NLRP5: variants seen among roughly 807,000 people sequenced by gnomAD.
The protein encoded by NLRP5 is NLR family pyrin domain containing 5.
In NLRP5, 93 loss-of-function variants were observed where a neutral mutation model predicts 113.1. The observed-to-expected ratio is 0.82, with a 90% CI of 0.70 to 0.98. NLRP5 has a LOEUF of 0.98. Among genes scored for constraint, NLRP5 ranks in the 50% least tolerant of loss-of-function variants. The pLI, the probability that NLRP5 is intolerant of heterozygous loss-of-function variation, is 0.00. For synonymous variants in NLRP5, 751 were observed against 600.7 expected, an observed-to-expected ratio of 1.25 and a Z score of -3.66; for missense variants, 1,808 against 1,514.3, an observed-to-expected ratio of 1.19 and a Z score of -3.22.
At chr19:55,994,062 G>A in the NLRP5 span, among the ~76,000 whole-genome samples, 765 of 152,118 alleles carry the variant, frequency 5.0e-3, 2 homozygotes, top group African/African-American at 0.017. Context: ...TTCCATAATG[G>A]CTGTGCTAAT....
rs1983572701 is a variant in NLRP5 at position 56,042,879 on chromosome 19, TTAGAA to T, written c.2957+1790_2957+1794del. On this transcript the variant is annotated intron_variant, in intron 11 of 14. Coordinates refer to ENST00000390649, the MANE Select transcript of NLRP5 (RefSeq NM_153447.4). ...GTTTTCCATTCCTGAGTTACTTCAC[TTAGAA>T]TAATAGTCTCCAACTCATCCAGGTC... 7.2e-5 allele frequency among the ~76,000 whole-genome samples: 11 copies of T among 152,368 alleles called. No homozygotes were observed. In the South Asian group the frequency reaches 2.3e-3, roughly 32 times the overall value.
At chr19:56,052,247 TTTTG>T (rs1983957720) in intron 12 of NLRP5, among the ~76,000 whole-genome samples, 2 of 105,998 alleles carry the variant, frequency 1.9e-5, no homozygotes, top group South Asian at 2.9e-4. Flanking sequence ...TTTTGTTTTG[TTTTG>T]TTTTTGTTTT....
chr19:56,054,150 G>A (rs188181269), intron 13 of NLRP5, among the ~76,000 whole-genome samples: 164 of 152,278 alleles, frequency 1.1e-3, no homozygotes, highest in Non-Finnish European at 1.5e-3. Flanking sequence ...AGACAAAGAC[G>A]GGCAGAAAGC....
chr19:56,055,937 T>C (rs1165944010), intron 13 of NLRP5, among the ~76,000 whole-genome samples: 2 of 152,116 alleles, frequency 1.3e-5, no homozygotes, highest in African/African-American at 4.8e-5. Context: ...TGAACCGCAC[T>C]CTCCACCCTC....
intron 2 of NLRP5, among the ~76,000 whole-genome samples, chr19:56,007,491 G>C (rs563227951): frequency 6.6e-6 from 1 of 151,048 alleles, no homozygotes; most frequent in East Asian, 1.9e-4. Flanking sequence ...GCCTGAGCAT[G>C]GTAGAGAAAA....
In NLRP5 at chr19:56,027,116, C is replaced by A; in HGVS notation, c.883C>A (p.Leu295Ile). ...AAAGTCAGGAATTGGGAAATCGGCT[C>A]TAGCCAGAAGGATCGTGCTGTGCTG... Residue 295 changes from leucine (L) to isoleucine (I), a missense_variant, in exon 7 of 15, where the codon CTA becomes ATA. Leu to Ile is a conservative substitution (Grantham distance 5). Transcript: ENST00000390649. The A allele has an allele frequency of 6.3e-7, 1 of 1,585,676 alleles. No homozygotes were observed.
chr19:56,055,706 C>T (rs965313936), intron 13 of NLRP5, among the ~76,000 whole-genome samples: 12 of 151,600 alleles, frequency 7.9e-5, no homozygotes, highest in South Asian at 4.2e-4. Context: ...CCACCACGCC[C>T]GGCTAATTTT....
At chr19:56,022,774 G>A (rs906205296) in intron 6 of NLRP5, among the ~76,000 whole-genome samples, 14 of 152,124 alleles carry the variant, frequency 9.2e-5, no homozygotes, top group African/African-American at 3.4e-4. Flanking sequence ...GTCCAGGCTG[G>A]AGTGCAATGG....
chr19:56,060,982 AAAG>A (rs1471692996), intron 14 of NLRP5, among the ~76,000 whole-genome samples: 3 of 151,950 alleles, frequency 2.0e-5, no homozygotes, highest in Non-Finnish European at 4.4e-5. Flanking sequence ...GATTGGAAGA[AAAG>A]AGGAGATCTA....
chr19:56,006,217 T>C (rs143936648), intron 2 of NLRP5, among the ~76,000 whole-genome samples: 1,710 of 152,092 alleles, frequency 0.011, 35 homozygotes, highest in African/African-American at 0.038. Flanking sequence ...TAGGTGGGAA[T>C]TGAACAATGA....
chr19:56,021,058 G>T (rs1568488196), intron 6 of NLRP5, among the ~76,000 whole-genome samples: 1 of 152,000 alleles, frequency 6.6e-6, no homozygotes, highest in Non-Finnish European at 1.5e-5. Context: ...TTTTAGTAGA[G>T]ATGGGGTTTC....
At chr19:56,043,463 G>A (rs1405569765) in intron 11 of NLRP5, among the ~76,000 whole-genome samples, 1 of 139,782 alleles carries the variant, frequency 7.2e-6, no homozygotes, top group African/African-American at 2.7e-5. Flanking sequence ...TCTTGGATTT[G>A]TTTGAGTTCG....
chr19:56,019,179 T>C, intron 4 of NLRP5, 163 bp from the exon 5 acceptor site: 1 of 711,586 alleles, frequency 1.4e-6, no homozygotes, highest in South Asian at 1.9e-5. Context: ...GAATTAGTGC[T>C]CATTGTACCA....
chr19:56,006,682 A>G (rs948903249), intron 2 of NLRP5, among the ~76,000 whole-genome samples: 1 of 152,028 alleles, frequency 6.6e-6, no homozygotes, highest in African/African-American at 2.4e-5. Flanking sequence ...CAGTGAGTCA[A>G]GATCGCGCCA....
rs183807248 is a variant in NLRP5, at chr19:56,000,310, C to T, written c.62+523C>T. ...CCTGTATAGAGGATATTCATGATAA[C>T]ATGTTTCCTGTGTCCCAGGGGAAAA... On this transcript the variant is annotated intron_variant, in intron 1 of 14. Transcript: ENST00000390649. Among the ~76,000 whole-genome samples the T allele has an allele frequency of 1.5e-3, 222 of 152,354 alleles. 1 individual carries two copies. The highest frequency in any genetic ancestry group is 6.7e-3 in the Admixed American group (102 of 15,304).
At chr19:55,997,532 T>C (rs1371730242), upstream of NLRP5, among the ~76,000 whole-genome samples, 2 of 151,786 alleles carry the variant, frequency 1.3e-5, no homozygotes, top group East Asian at 1.9e-4. Flanking sequence ...GTATAAGTTC[T>C]GTAAAAGTTT....
At chr19:56,008,027 C>G (rs1335148772) in intron 2 of NLRP5, among the ~76,000 whole-genome samples, 1 of 131,480 alleles carries the variant, frequency 7.6e-6, no homozygotes, top group Non-Finnish European at 1.7e-5. Flanking sequence ...CTCCCGGGTT[C>G]GTGCCATTCT....
intron 2 of NLRP5, among the ~76,000 whole-genome samples, chr19:56,005,281 A>T (rs1227628684): frequency 6.8e-6 from 1 of 147,262 alleles, no homozygotes; most frequent in Non-Finnish European, 1.5e-5. Flanking sequence ...ACATATACAC[A>T]TATATTTTTA....
At chr19:56,001,827 TCTAC>T (rs1981664062) in intron 1 of NLRP5, among the ~76,000 whole-genome samples, 1 of 152,198 alleles carries the variant, frequency 6.6e-6, no homozygotes, top group Non-Finnish European at 1.5e-5. Context: ...CAAGCTGCTG[TCTAC>T]CTGAGTCTTT....
Sources: allele counts gnomAD v4.1 joint callset (sites outside exome capture counted in the v4.1 genomes callset), GRCh38; gene constraint gnomAD v4.1.1; transcripts MANE v1.5; gene names NCBI Gene and HGNC (gene_info 2026-07-23, HGNC 2026-07-21).